MAP7: variants seen among roughly 807,000 people sequenced by gnomAD.
MAP7 encodes ensconsin.
Under a neutral mutation model 94.8 loss-of-function variants are expected in MAP7, and 52 were observed. The ratio of observed to expected loss-of-function variants is 0.55; its 90% confidence interval spans 0.44 to 0.69. The LOEUF is 0.69. Among genes scored for constraint, MAP7 ranks in the 30% least tolerant of loss-of-function variants. The pLI, the probability that MAP7 is intolerant of heterozygous loss-of-function variation, is 0.00. For missense variants in MAP7, 940 were observed against 964.6 expected (o/e 0.97, Z 0.34); for synonymous variants, 350 against 357.0 (o/e 0.98, Z 0.22).
At chr6:136,433,678 G>T (rs1379631612) in intron 1 of MAP7, among the ~76,000 whole-genome samples, 6 of 152,150 alleles carry the variant, frequency 3.9e-5, no homozygotes, top group Non-Finnish European at 5.9e-5. Context: ...TCTTAGTTTT[G>T]CAAGCCTAAC....
At chr6:136,516,031 T>C (rs1245282480) in intron 1 of MAP7, among the ~76,000 whole-genome samples, 1 of 152,178 alleles carries the variant, frequency 6.6e-6, no homozygotes, top group Non-Finnish European at 1.5e-5. Flanking sequence ...CATTGCTTTC[T>C]GCAAGCTTCG....
chr6:136,420,263 C>T lies in MAP7; in HGVS notation c.166+1438G>A, dbSNP rs1006042795. The T allele has an allele frequency of 3.0e-5, 28 of 931,890 alleles. No individual in the cohort carries two copies. The Admixed American group carries it at 3.5e-4, about 12-fold the overall frequency. 57.7% of individuals were successfully genotyped at this position (931,890 alleles called of 1,614,324 possible). ...GACAGGGCCGCGCCAGGTAAAACAT[C>T]GCAGAAGAGCCGGCCATGCTTCCAG... On this transcript the variant is annotated intron_variant, in intron 2 of 17. Coordinates refer to ENST00000354570, the MANE Select transcript of MAP7 (RefSeq NM_003980.6).
intron 1 of MAP7, among the ~76,000 whole-genome samples, chr6:136,435,380 C>T (rs1322244316): frequency 1.3e-5 from 2 of 152,068 alleles, no homozygotes; most frequent in Admixed American, 6.6e-5. Flanking sequence ...GTCCTGTTTC[C>T]AGAATTGTAG....
intron 1 of MAP7, among the ~76,000 whole-genome samples, chr6:136,547,074 C>A (rs761474464): frequency 6.6e-6 from 1 of 152,170 alleles, no homozygotes; most frequent in African/African-American, 2.4e-5. Flanking sequence ...ACCAAATTGA[C>A]GTCTGAGCCC....
At chr6:136,543,227 C>T (rs1829465538) in intron 1 of MAP7, among the ~76,000 whole-genome samples, 1 of 152,212 alleles carries the variant, frequency 6.6e-6, no homozygotes, top group Non-Finnish European at 1.5e-5. Flanking sequence ...GATAAACCAT[C>T]TGTGATACTT....
At chr6:136,364,055 T>C (rs374315546) in intron 10 of MAP7, 15 of 263,542 alleles carry the variant, frequency 5.7e-5, no homozygotes, top group African/African-American at 2.3e-4. Context: ...TAGGGCCACA[T>C]TGAAGTGGAA....
At chr6:136,381,531 C>T (rs1252282134) in intron 6 of MAP7, among the ~76,000 whole-genome samples, 1 of 151,986 alleles carries the variant, frequency 6.6e-6, no homozygotes, top group East Asian at 1.9e-4. Context: ...TTAAAATTCT[C>T]ACTATAATAA....
In MAP7 at chr6:136,361,154, G is replaced by C. The variant is rs180830142; in HGVS notation, c.1552C>G (p.Arg518Gly). The change falls in exon 12 of 18, where the codon CGT becomes GGT. Residue 518 changes from arginine (R) to glycine (G), a missense_variant. Physicochemically the swap from Arg to Gly is moderately radical, Grantham distance 125. Coordinates refer to ENST00000354570, the MANE Select transcript of MAP7 (RefSeq NM_003980.6). ...CGAGTCGTCCTCTCTTCAGCCACAC[G>C]TTGAGCCAATTCCTCTCTCTTTTGT... Reference protein sequence around the residue: ...ERQKREELAQRVAEERTTRRE... With the variant: ...ERQKREELAQGVAEERTTRRE... 31 of 1,604,148 alleles carry C rather than the reference G, an allele frequency of 1.9e-5. No individual in the cohort carries two copies. In the South Asian group the frequency reaches 2.5e-4, roughly 13 times the overall value.
intron 1 of MAP7, among the ~76,000 whole-genome samples, chr6:136,433,044 G>C (rs1362024385): frequency 6.6e-6 from 1 of 151,968 alleles, no homozygotes; most frequent in Admixed American, 6.6e-5. Context: ...CTGGCTTTAA[G>C]AAAGAAATGT....
chr6:136,482,914 A>T (rs146214413), intron 1 of MAP7, among the ~76,000 whole-genome samples: 40 of 152,314 alleles, frequency 2.6e-4, no homozygotes, highest in African/African-American at 9.1e-4. Flanking sequence ...TTTTGCTGCT[A>T]AAAGGCATAT....
rs1301877223 is a variant in MAP7 at position 136,421,717 on chromosome 6, G to A, written c.150C>T (p.His50=). The change falls in exon 2 of 18, where the codon CAC becomes CAT. Residue 50 remains histidine, a synonymous_variant. Transcript: ENST00000354570. ...GCATCATACCTGGTTTATTTCCTGAGTGGTTGTTATTTTGTCCTGAAATTG... is the reference window on the plus strand; with the variant it reads ...GCATCATACCTGGTTTATTTCCTGAATGGTTGTTATTTTGTCCTGAAATTG... ...ASAISGQNNN[H]SGNKPDPPPV... is the part of the protein sequence containing the mutation. 6.2e-7 allele frequency: 1 copy of A among 1,613,944 alleles called. No homozygotes were observed. The highest frequency in any genetic ancestry group is 8.5e-7 in the Non-Finnish European group (1 of 1,179,894).
Position 136,493,160 on chromosome 6 carries a change from G to T in MAP7, c.67+57182C>A, listed in dbSNP as rs182922129. Among the ~76,000 whole-genome samples the T allele has an allele frequency of 5.4e-4, 41 of 75,952 alleles. 1 individual carries two copies. The East Asian group carries it at 0.014, about 26-fold the overall frequency. The allele number at this position is 75,952 out of a possible 152,430, so 49.8% of individuals were successfully genotyped here. A position where few individuals can be genotyped will look rare whatever the true frequency, so the allele number is the denominator to read the frequency against. Reference sequence around the variant, plus strand: ...TTTTTTGAGACGGAGTTTCACTCTTGTTGCCCAGGCTGGAGTGCAATGGCA... The same window carrying T: ...TTTTTTGAGACGGAGTTTCACTCTTTTTGCCCAGGCTGGAGTGCAATGGCA... On this transcript the variant is annotated intron_variant, in intron 1 of 17. Coordinates refer to ENST00000354570, the MANE Select transcript of MAP7 (RefSeq NM_003980.6).
intron 8 of MAP7, among the ~76,000 whole-genome samples, chr6:136,366,789 T>A (rs993620279): frequency 2.6e-5 from 4 of 152,192 alleles, no homozygotes; most frequent in African/African-American, 9.7e-5. Flanking sequence ...AAATGTCAAA[T>A]GTTACTTTCA....
At chr6:136,424,147 A>G (rs981892869) in intron 1 of MAP7, among the ~76,000 whole-genome samples, 1 of 152,086 alleles carries the variant, frequency 6.6e-6, no homozygotes, top group African/African-American at 2.4e-5. Context: ...TCACTACTTA[A>G]GAACACAATG....
intron 1 of MAP7, among the ~76,000 whole-genome samples, chr6:136,452,469 A>G (rs577580865): frequency 3.9e-5 from 6 of 152,226 alleles, no homozygotes; most frequent in Non-Finnish European, 7.4e-5. Context: ...GAGTCTACTG[A>G]TGCAATCAAC....
intron 8 of MAP7, among the ~76,000 whole-genome samples, chr6:136,370,380 T>G (rs1257378960): frequency 6.6e-6 from 1 of 152,166 alleles, no homozygotes; most frequent in Non-Finnish European, 1.5e-5. Context: ...AAATTGAAAA[T>G]AGGATTACTA....
At chr6:136,448,708 A>G (rs1800117851) in intron 1 of MAP7, among the ~76,000 whole-genome samples, 1 of 151,998 alleles carries the variant, frequency 6.6e-6, no homozygotes, top group Non-Finnish European at 1.5e-5. Flanking sequence ...CACCGTGCCT[A>G]GCAATGCCTA....
intron 3 of MAP7, among the ~76,000 whole-genome samples, chr6:136,410,081 C>T (rs1033157305): frequency 4.2e-4 from 64 of 152,220 alleles, no homozygotes; most frequent in Middle Eastern, 3.4e-3. Context: ...AAAACTAATG[C>T]TTTGTTTTGT....
intron 1 of MAP7, among the ~76,000 whole-genome samples, chr6:136,492,014 T>C (rs1221796002): frequency 6.6e-6 from 1 of 152,176 alleles, no homozygotes; most frequent in South Asian, 2.1e-4. Flanking sequence ...CCTCAACCCA[T>C]GAGTTTATAT....
Sources: gnomAD v4.1 joint callset for allele counts (sites outside exome capture counted in the v4.1 genomes callset) on GRCh38, gnomAD v4.1.1 for gene constraint, MANE v1.5 for transcripts, NCBI Gene and HGNC (gene_info 2026-07-23, HGNC 2026-07-21) for gene names.